The following EYS variants were observed in gnomAD, a reference collection of about 807,000 sequenced individuals.
EYS encodes the protein EGF-like photoreceptor maintenance factor.
Under a neutral mutation model 282.1 loss-of-function variants are expected in EYS, and 250 were observed. The ratio of observed to expected loss-of-function variants is 0.89; its 90% CI spans 0.80 to 0.98. The LOEUF (loss-of-function observed/expected upper bound fraction) is 0.98, where lower values mean the gene tolerates loss of function less well. EYS is among the 50% of genes least tolerant of loss of function. EYS has a pLI of 0.00. For missense variants in EYS, 4,016 were observed against 3,709.0 expected (o/e 1.08, Z -2.15); for synonymous variants, 1,355 against 1,282.9 (o/e 1.06, Z -1.20).
intron 2 of EYS, among the ~76,000 whole-genome samples, chr6:65,559,766 T>G (rs551394405): frequency 3.1e-4 from 47 of 152,260 alleles, no homozygotes; most frequent in African/African-American, 1.1e-3. Context: ...AATATAGTTA[T>G]AAAACTTTTC....
chr6:64,484,255 C>A (rs1359308317), intron 26 of EYS, among the ~76,000 whole-genome samples: 2 of 151,574 alleles, frequency 1.3e-5, no homozygotes, highest in Non-Finnish European at 3.0e-5. Flanking sequence ...AATACCTTCA[C>A]CCAATACTGG....
intron 12 of EYS, among the ~76,000 whole-genome samples, chr6:65,144,885 C>G (rs1764439029): frequency 6.6e-6 from 1 of 151,890 alleles, no homozygotes. Context: ...CTGCCTCAGC[C>G]TCCCAAGTAA....
intron 28 of EYS, among the ~76,000 whole-genome samples, chr6:64,392,435 C>T (rs1331337715): frequency 1.3e-5 from 2 of 150,452 alleles, no homozygotes; most frequent in Non-Finnish European, 3.0e-5. Context: ...ATCTCTCAGA[C>T]CACACTGCAA....
intron 26 of EYS, among the ~76,000 whole-genome samples, chr6:64,544,101 A>G (rs1392927852): frequency 1.3e-5 from 2 of 152,176 alleles, no homozygotes; most frequent in Non-Finnish European, 2.9e-5. Flanking sequence ...TAACAGTTTG[A>G]GTTGTTTTGG....
intron 15 of EYS, among the ~76,000 whole-genome samples, chr6:64,936,540 G>A (rs904859591): frequency 3.3e-5 from 5 of 151,402 alleles, no homozygotes; most frequent in African/African-American, 9.6e-5. Context: ...CTAAGGAATC[G>A]ACCAAAAATT....
At chr6:65,321,063 C>T (rs1192164549) in intron 11 of EYS, among the ~76,000 whole-genome samples, 6 of 151,916 alleles carry the variant, frequency 3.9e-5, no homozygotes, top group Non-Finnish European at 2.9e-5. Context: ...CTCAGGTCTG[C>T]TGTTGGATAA....
chr6:65,221,967 C>A (rs1329316867), intron 12 of EYS, among the ~76,000 whole-genome samples: 3 of 152,146 alleles, frequency 2.0e-5, no homozygotes, highest in Non-Finnish European at 4.4e-5. Flanking sequence ...TGCATGAGAC[C>A]TGTAGCCCTT....
At chr6:65,113,781 T>G (rs1427012079) in intron 12 of EYS, among the ~76,000 whole-genome samples, 2 of 152,068 alleles carry the variant, frequency 1.3e-5, no homozygotes, top group South Asian at 4.1e-4. Context: ...AATTTTTTCC[T>G]GTAAGTAGCT....
Position 64,648,481 on chromosome 6 carries a change from T to C in EYS, c.3444-22236A>G, listed in dbSNP as rs551884841. ...TAACTTCTTGGTAAGAGAAATATCA[T>C]ATAATTTGGAAATATGGTCTGAAAC... On this transcript the variant is annotated intron_variant, in intron 22 of 42. Coordinates refer to ENST00000503581, the MANE Select transcript of EYS (RefSeq NM_001142800.2). Among the ~76,000 whole-genome samples the C allele has an allele frequency of 2.7e-3, 410 of 152,346 alleles. 2 individuals are homozygous for C. Among genetic ancestry groups the C allele is most frequent in the African/African-American group, 9.4e-3 (390 of 41,586 alleles).
At chr6:65,369,333 T>A (rs1304881546) in intron 8 of EYS, among the ~76,000 whole-genome samples, 1 of 143,786 alleles carries the variant, frequency 7.0e-6, no homozygotes, top group Non-Finnish European at 1.5e-5. Flanking sequence ...TATATATTTA[T>A]ATATATATAT....
chr6:65,457,234 C>T (rs1223368944), intron 5 of EYS, among the ~76,000 whole-genome samples: 1 of 152,138 alleles, frequency 6.6e-6, no homozygotes, highest in Non-Finnish European at 1.5e-5. Context: ...GGCACAAACA[C>T]GGCTCTTAAA....
At chr6:65,531,520 C>T (rs1767768361) in intron 2 of EYS, among the ~76,000 whole-genome samples, 1 of 152,070 alleles carries the variant, frequency 6.6e-6, no homozygotes, top group South Asian at 2.1e-4. Context: ...AAGCCCAATC[C>T]CCAAAGTCAG....
chr6:65,196,960 A>G (rs2150243386), intron 12 of EYS, among the ~76,000 whole-genome samples: 1 of 152,204 alleles, frequency 6.6e-6, no homozygotes, highest in African/African-American at 2.4e-5. Context: ...TGAGTTAGTC[A>G]AAGAAAGATA....
At chr6:64,960,212 TA>T (rs1366586217) in intron 14 of EYS, among the ~76,000 whole-genome samples, 1 of 152,146 alleles carries the variant, frequency 6.6e-6, no homozygotes, top group African/African-American at 2.4e-5. Context: ...AGGAAATTAC[TA>T]ATACCTTCTC....
Position 63,958,073 on chromosome 6 carries a change from A to C in EYS, c.7055+26310T>G, listed in dbSNP as rs1765899051. Among the ~76,000 whole-genome samples the C allele has an allele frequency of 1.4e-5, 2 of 140,670 alleles. 1 individual carries two copies. The highest frequency in any genetic ancestry group is 4.6e-4 in the South Asian group (2 of 4,374). 92.3% of individuals were successfully genotyped at this position (140,670 alleles called of 152,430 possible). On this transcript the variant is annotated intron_variant, in intron 35 of 42. Coordinates refer to ENST00000503581, the MANE Select transcript of EYS (RefSeq NM_001142800.2). ...ACGTTTATAGATAGATGTTTATATA[A>C]TCTATGACCATGGTTAATAGTCAAG...
chr6:65,093,859 G>C (rs1774644603), intron 12 of EYS, among the ~76,000 whole-genome samples: 1 of 151,512 alleles, frequency 6.6e-6, no homozygotes, highest in Non-Finnish European at 1.5e-5. Flanking sequence ...TAAAAATAAA[G>C]ATCTAACTTT....
intron 12 of EYS, among the ~76,000 whole-genome samples, chr6:65,289,896 C>A (rs968607438): frequency 4.0e-5 from 6 of 151,004 alleles, no homozygotes; most frequent in African/African-American, 1.5e-4. Context: ...GATTAGTAAT[C>A]ATGTTCTTTA....
At chr6:65,267,239 A>G (rs1022385397) in intron 12 of EYS, among the ~76,000 whole-genome samples, 5 of 151,750 alleles carry the variant, frequency 3.3e-5, no homozygotes. Flanking sequence ...GTTATATAAT[A>G]TTTTTCTTGA....
intron 22 of EYS, among the ~76,000 whole-genome samples, chr6:64,800,052 G>A (rs1326875923): frequency 6.6e-6 from 1 of 151,950 alleles, no homozygotes; most frequent in Non-Finnish European, 1.5e-5. Context: ...CTGCTGAACT[G>A]AAAAATTTTG....
Sources: gnomAD v4.1 joint callset for allele counts (sites outside exome capture counted in the v4.1 genomes callset) on GRCh38, gnomAD v4.1.1 for gene constraint, MANE v1.5 for transcripts, NCBI Gene and HGNC (gene_info 2026-07-23, HGNC 2026-07-21) for gene names.